CHRM5: variants seen among roughly 807,000 people sequenced by gnomAD.
CHRM5 encodes muscarinic acetylcholine receptor M5.
CHRM5 carries 18 observed loss-of-function variants against 39.0 expected under a neutral mutation model. The ratio of observed to expected loss-of-function variants is 0.46; its 90% CI spans 0.32 to 0.68. The LOEUF is 0.68. Among genes scored for constraint, CHRM5 ranks in the 30% least tolerant of loss-of-function variants. The pLI, the probability that CHRM5 is intolerant of heterozygous loss-of-function variation, is 0.04. For synonymous variants in CHRM5, 241 were observed against 246.3 expected (o/e 0.98, Z 0.20); for missense variants, 515 against 651.1 (o/e 0.79, Z 2.28).
intron 1 of CHRM5, among the ~76,000 whole-genome samples, chr15:34,030,863 CCACCT>C (rs1898754928): frequency 6.6e-6 from 1 of 151,942 alleles, no homozygotes; most frequent in South Asian, 2.1e-4. Context: ...AGCAGTCCTT[CCACCT>C]CACCCTCCCA....
chr15:34,039,150 G>T (rs1597380275), intron 1 of CHRM5: 1 of 966,760 alleles, frequency 1.0e-6, no homozygotes, highest in Non-Finnish European at 1.2e-6. Context: ...AGCGAAAGGC[G>T]CCCGGTAGCA....
At chr15:33,983,471 G>C (rs1597309738) in intron 1 of CHRM5, among the ~76,000 whole-genome samples, 1 of 151,914 alleles carries the variant, frequency 6.6e-6, no homozygotes, top group Non-Finnish European at 1.5e-5. Flanking sequence ...AGATAGATCT[G>C]CAGTAAAGCA....
chr15:34,002,565 C>T (rs957987651), intron 1 of CHRM5, among the ~76,000 whole-genome samples: 1 of 151,948 alleles, frequency 6.6e-6, no homozygotes, highest in Admixed American at 6.6e-5. Flanking sequence ...AAAGCAAAAA[C>T]AAAAACTTGG....
At chr15:33,975,543 T>A (rs971549982) in intron 1 of CHRM5, among the ~76,000 whole-genome samples, 1 of 152,198 alleles carries the variant, frequency 6.6e-6, no homozygotes, top group Non-Finnish European at 1.5e-5. Flanking sequence ...TCTCAAAAAA[T>A]TATTTGCAAT....
chr15:34,056,207 G>A (rs1012369294), intron 2 of CHRM5, among the ~76,000 whole-genome samples: 1 of 152,158 alleles, frequency 6.6e-6, no homozygotes, highest in Non-Finnish European at 1.5e-5. Flanking sequence ...TATAAGAAGA[G>A]CCTGAAAGCA....
chr15:34,049,275 T>G (rs901107273), intron 2 of CHRM5, among the ~76,000 whole-genome samples: 8 of 152,150 alleles, frequency 5.3e-5, no homozygotes, highest in Admixed American at 3.3e-4. Context: ...AAGGACCATG[T>G]TGTAACCCAA....
At chr15:34,008,964 A>C (rs1334757812) in intron 1 of CHRM5, among the ~76,000 whole-genome samples, 1 of 151,910 alleles carries the variant, frequency 6.6e-6, no homozygotes, top group Non-Finnish European at 1.5e-5. Context: ...GCACACACAC[A>C]CACACACACA....
chr15:34,049,382 A>C (rs2140822886), intron 2 of CHRM5, among the ~76,000 whole-genome samples: 1 of 152,380 alleles, frequency 6.6e-6, no homozygotes, highest in Middle Eastern at 3.4e-3. Context: ...GGTGCTGAAA[A>C]ACACACTATG....
At chr15:34,002,280 C>A (rs1395963838) in intron 1 of CHRM5, among the ~76,000 whole-genome samples, 1 of 152,194 alleles carries the variant, frequency 6.6e-6, no homozygotes, top group Non-Finnish European at 1.5e-5. Context: ...GTCAGCATCC[C>A]AGGGATCTGT....
chr15:34,033,491 G>T (rs1394280284), intron 1 of CHRM5, among the ~76,000 whole-genome samples: 1 of 150,006 alleles, frequency 6.7e-6, no homozygotes, highest in African/African-American at 2.5e-5. Context: ...GGGTAACAGA[G>T]CGAGGCTCCG....
At chr15:34,038,731 C>G (rs1335870216) in intron 1 of CHRM5, 1 of 1,134,946 alleles carries the variant, frequency 8.8e-7, no homozygotes, top group Non-Finnish European at 1.1e-6. Context: ...CTCGGCCCCA[C>G]TTGCCCCAGT....
intron 1 of CHRM5, among the ~76,000 whole-genome samples, chr15:33,979,952 T>A (rs1256957991): frequency 6.6e-6 from 1 of 152,260 alleles, no homozygotes; most frequent in African/African-American, 2.4e-5. Flanking sequence ...GTTCTAGCTA[T>A]GAATTTGTTA....
At chr15:34,003,098 CTT>C (rs1053915886) in intron 1 of CHRM5, 38 of 1,613,826 alleles carry the variant, frequency 2.4e-5, no homozygotes, top group Non-Finnish European at 3.1e-5. Context: ...TTATTGACCT[CTT>C]TTTCAATATC....
chr15:33,993,439 TG>T (rs1422847572), intron 1 of CHRM5, among the ~76,000 whole-genome samples: 1 of 152,024 alleles, frequency 6.6e-6, no homozygotes, highest in Non-Finnish European at 1.5e-5. Flanking sequence ...TCACTGTCAG[TG>T]GTCAGAAACA....
chr15:34,009,640 C>T (rs1460044285), intron 1 of CHRM5, among the ~76,000 whole-genome samples: 1 of 151,956 alleles, frequency 6.6e-6, no homozygotes, highest in East Asian at 1.9e-4. Context: ...AAACAAAAAT[C>T]GTTATAAAGA....
At chr15:34,043,598 T>C (rs1899569264) in intron 1 of CHRM5, among the ~76,000 whole-genome samples, 1 of 152,180 alleles carries the variant, frequency 6.6e-6, no homozygotes, top group African/African-American at 2.4e-5. Flanking sequence ...ATCCACAGCC[T>C]GTACTCTGGT....
At chr15:33,969,708 T>A (rs1311782582) in intron 1 of CHRM5, among the ~76,000 whole-genome samples, 1 of 152,012 alleles carries the variant, frequency 6.6e-6, no homozygotes, top group Non-Finnish European at 1.5e-5. Context: ...GGCTAATTTA[T>A]CCTAAAGATA....
chr15:34,012,968 A>AT (rs1162265360), intron 1 of CHRM5, among the ~76,000 whole-genome samples: 2 of 152,094 alleles, frequency 1.3e-5, no homozygotes, highest in African/African-American at 4.8e-5. Flanking sequence ...AATTTCCTAA[A>AT]TTCCCCACCA....
At position 34,065,937 on chromosome 15, in the gene CHRM5, A is replaced by C. The variant is rs886602990; in HGVS notation, c.*1621A>C. 3.3e-5 allele frequency: 5 copies of C among 152,218 alleles called. No homozygotes were observed. Among genetic ancestry groups the C allele is most frequent in the Non-Finnish European group, 5.9e-5 (4 of 68,048 alleles). The allele number at this position is 152,218 out of a possible 1,614,324, so 9.4% of individuals were successfully genotyped here. A position where few individuals can be genotyped will look rare whatever the true frequency, so the allele number is the denominator to read the frequency against. ...TCATTTGCTAAGAGGATGGAAAATTAGCTGGTTTAGTTGTCCTGGGAATTA... is the reference window on the plus strand; with the variant it reads ...TCATTTGCTAAGAGGATGGAAAATTCGCTGGTTTAGTTGTCCTGGGAATTA... On this transcript the variant is annotated 3_prime_UTR_variant, in exon 3 of 3. Transcript: ENST00000383263.
Sources: allele counts gnomAD v4.1 joint callset (sites outside exome capture counted in the v4.1 genomes callset), GRCh38; gene constraint gnomAD v4.1.1; transcripts MANE v1.5; gene names NCBI Gene and HGNC (gene_info 2026-07-23, HGNC 2026-07-21).